Variants in BBS9 observed in about 807,000 individuals in gnomAD.
The protein encoded by BBS9 is protein PTHB1.
In BBS9, 89 loss-of-function variants were observed where a neutral mutation model predicts 117.7. The observed-to-expected ratio is 0.76, with a 90% CI of 0.64 to 0.90. The LOEUF (loss-of-function observed/expected upper bound fraction) is 0.90. Among genes scored for constraint, BBS9 ranks in the 40% least tolerant of loss-of-function variants. The pLI, the probability that BBS9 is intolerant of heterozygous loss-of-function variation, is 0.00. For synonymous variants in BBS9, 379 were observed against 370.9 expected (o/e 1.02, Z -0.25); for missense variants, 982 against 1,042.2 (o/e 0.94, Z 0.80).
chr7:33,394,049 A>G (rs1827529945), intron 19 of BBS9, among the ~76,000 whole-genome samples: 1 of 152,152 alleles, frequency 6.6e-6, no homozygotes, highest in Admixed American at 6.5e-5. Flanking sequence ...ACATACAACA[A>G]GCACCCTTAT....
At chr7:33,419,094 G>C (rs368318654) in intron 19 of BBS9, among the ~76,000 whole-genome samples, 13 of 151,178 alleles carry the variant, frequency 8.6e-5, no homozygotes, top group Non-Finnish European at 4.4e-5. Context: ...CATGTGAATT[G>C]GTCCTTACAT....
chr7:33,360,914 C>A (rs184343987), intron 16 of BBS9, among the ~76,000 whole-genome samples: 14 of 152,242 alleles, frequency 9.2e-5, no homozygotes, highest in African/African-American at 3.4e-4. Context: ...AAATACCTAG[C>A]ATTTTTTCTT....
chr7:33,166,102 G>T (rs1188886906), intron 4 of BBS9, among the ~76,000 whole-genome samples: 1 of 152,204 alleles, frequency 6.6e-6, no homozygotes, highest in African/African-American at 2.4e-5. Flanking sequence ...TCCCTCAGCT[G>T]CAGGTCTGTT....
chr7:33,222,678 T>A (rs1483909232), intron 5 of BBS9, among the ~76,000 whole-genome samples: 1 of 152,038 alleles, frequency 6.6e-6, no homozygotes, highest in East Asian at 1.9e-4. Context: ...CCAGGTGCGG[T>A]GGCTCTTGCT....
At chr7:33,406,041 T>G (rs1251450320) in intron 19 of BBS9, among the ~76,000 whole-genome samples, 2 of 152,216 alleles carry the variant, frequency 1.3e-5, no homozygotes, top group Non-Finnish European at 2.9e-5. Flanking sequence ...TCTGGTATGT[T>G]GTGTCTTTGT....
intron 21 of BBS9, among the ~76,000 whole-genome samples, chr7:33,540,742 C>A (rs1029675375): frequency 3.9e-5 from 6 of 152,104 alleles, no homozygotes; most frequent in Admixed American, 2.6e-4. Context: ...GTTTATGGAG[C>A]GTGTTTGTAT....
At chr7:33,575,633 T>C (rs558990377) in intron 21 of BBS9, among the ~76,000 whole-genome samples, 1 of 152,164 alleles carries the variant, frequency 6.6e-6, no homozygotes, top group Non-Finnish European at 1.5e-5. Context: ...ATATCCCTGA[T>C]GAACATCGAT....
chr7:33,470,386 A>G (rs919427200), intron 19 of BBS9, among the ~76,000 whole-genome samples: 1 of 151,680 alleles, frequency 6.6e-6, no homozygotes, highest in Non-Finnish European at 1.5e-5. Flanking sequence ...TCACTTCTGG[A>G]CCTTCTAAAA....
intron 5 of BBS9, among the ~76,000 whole-genome samples, chr7:33,190,592 C>T (rs558903318): frequency 1.3e-5 from 2 of 152,304 alleles, no homozygotes; most frequent in South Asian, 4.1e-4. Flanking sequence ...CTTTTCATCT[C>T]TTGCTTCCAT....
chr7:33,603,608 A>G (rs1298395036), intron 21 of BBS9, among the ~76,000 whole-genome samples: 2 of 152,182 alleles, frequency 1.3e-5, no homozygotes, highest in Admixed American at 6.5e-5. Flanking sequence ...AAAGTACTCA[A>G]TAATGATAGT....
At chr7:33,531,444 A>T (rs73319163) in intron 20 of BBS9, among the ~76,000 whole-genome samples, 3,810 of 152,208 alleles carry the variant, frequency 0.025, 115 homozygotes, top group African/African-American at 0.07. Context: ...GGGCTGTGGG[A>T]TACCTACACT....
intron 19 of BBS9, among the ~76,000 whole-genome samples, chr7:33,484,502 C>G (rs1210982578): frequency 6.6e-6 from 1 of 151,886 alleles, no homozygotes; most frequent in Non-Finnish European, 1.5e-5. Flanking sequence ...GTTGGTTTTT[C>G]AACAGCATTT....
chr7:33,445,664 G>A (rs1373619167), intron 19 of BBS9, among the ~76,000 whole-genome samples: 1 of 152,016 alleles, frequency 6.6e-6, no homozygotes, highest in Non-Finnish European at 1.5e-5. Context: ...CTGTGTCTCC[G>A]CCCAAATCTC....
intron 18 of BBS9, among the ~76,000 whole-genome samples, chr7:33,385,847 A>T (rs1409203137): frequency 6.6e-6 from 1 of 152,116 alleles, no homozygotes; most frequent in Non-Finnish European, 1.5e-5. Context: ...AACTTTATTT[A>T]AAAATATTTT....
intron 10 of BBS9, 87 bp downstream of exon 10, chr7:33,336,709 T>TA: frequency 1.0e-6 from 1 of 985,882 alleles, no homozygotes; most frequent in African/African-American, 1.6e-5. Context: ...GTGTATTTGT[T>TA]AATTTTCTCC....
intron 5 of BBS9, among the ~76,000 whole-genome samples, chr7:33,227,210 A>T (rs1438088937): frequency 2.0e-5 from 3 of 150,040 alleles, no homozygotes; most frequent in African/African-American, 7.4e-5. Context: ...CCCAGGCTGG[A>T]GTTCTCAGCT....
intron 5 of BBS9, among the ~76,000 whole-genome samples, chr7:33,249,208 A>G (rs1795836543): frequency 6.8e-6 from 1 of 146,330 alleles, no homozygotes; most frequent in Non-Finnish European, 1.5e-5. Context: ...CATGGTAGAA[A>G]GAACTTCTGG....
chr7:33,308,083 T>C (rs1808416098), intron 9 of BBS9, among the ~76,000 whole-genome samples: 2 of 152,206 alleles, frequency 1.3e-5, no homozygotes, highest in Admixed American at 6.5e-5. Context: ...TGCAAATGAA[T>C]AGATGTCATC....
downstream of BBS9, among the ~76,000 whole-genome samples, chr7:33,606,327 T>G (rs140595273): frequency 1.3e-5 from 2 of 152,182 alleles, no homozygotes; most frequent in Admixed American, 6.5e-5. Context: ...AAAACAATTA[T>G]AGAGATGGTT....
Sources: gnomAD v4.1 joint callset for allele counts (sites outside exome capture counted in the v4.1 genomes callset) on GRCh38, gnomAD v4.1.1 for gene constraint, MANE v1.5 for transcripts, NCBI Gene and HGNC (gene_info 2026-07-23, HGNC 2026-07-21) for gene names.